The following LRRC4C variants were observed in gnomAD, a reference collection of about 807,000 sequenced individuals.
LRRC4C encodes leucine rich repeat containing 4C.
LRRC4C carries 5 observed loss-of-function variants against 33.6 expected under a neutral mutation model. The ratio of observed to expected loss-of-function variants is 0.15; its 90% CI spans 0.08 to 0.31. The LOEUF is 0.31. Ranked by LOEUF, LRRC4C falls within the 10% of genes least tolerant of loss-of-function variation. The pLI, the probability that LRRC4C is intolerant of heterozygous loss-of-function variation, is 1.00. For missense variants in LRRC4C, 560 were observed against 796.7 expected (o/e 0.70, Z 3.58); for synonymous variants, 329 against 302.0 (o/e 1.09, Z -0.93).
intron 1 of LRRC4C, among the ~76,000 whole-genome samples, chr11:41,023,138 A>G (rs561220369): frequency 2.8e-4 from 43 of 152,054 alleles, no homozygotes; most frequent in African/African-American, 9.4e-4. Flanking sequence ...AGGAAACCCA[A>G]TGTCAAGCCC....
intron 3 of LRRC4C, among the ~76,000 whole-genome samples, chr11:40,363,209 T>C (rs964252591): frequency 6.6e-6 from 1 of 152,194 alleles, no homozygotes; most frequent in Non-Finnish European, 1.5e-5. Flanking sequence ...ATATACACTA[T>C]GGAATACTAT....
intron 3 of LRRC4C, among the ~76,000 whole-genome samples, chr11:40,637,596 G>T (rs1941829628): frequency 6.6e-6 from 1 of 152,050 alleles, no homozygotes; most frequent in Non-Finnish European, 1.5e-5. Context: ...AAATTTCAAA[G>T]CTTCCATTTA....
chr11:40,418,840 G>A (rs1590673701), intron 3 of LRRC4C, among the ~76,000 whole-genome samples: 1 of 152,124 alleles, frequency 6.6e-6, no homozygotes, highest in Non-Finnish European at 1.5e-5. Context: ...AGCCATTATG[G>A]AAGCCATTAT....
intron 1 of LRRC4C, among the ~76,000 whole-genome samples, chr11:41,383,863 T>C (rs1441588657): frequency 1.3e-5 from 2 of 151,208 alleles, no homozygotes; most frequent in African/African-American, 2.4e-5. Context: ...CATAAGAAAA[T>C]AGACATGTAA....
intron 3 of LRRC4C, among the ~76,000 whole-genome samples, chr11:40,466,781 T>C (rs7940702): frequency 0.04 from 6,079 of 152,124 alleles, 167 homozygotes; most frequent in African/African-American, 0.078. Flanking sequence ...ATTTTACTGT[T>C]ACATTCATCA....
intron 1 of LRRC4C, among the ~76,000 whole-genome samples, chr11:41,408,747 TAA>T (rs35914452): frequency 0.58 from 76,831 of 131,904 alleles, 21,508 homozygotes; most frequent in East Asian, 0.7. Flanking sequence ...TATATTTTTG[TAA>T]AAAAAAAAAA....
intron 1 of LRRC4C, among the ~76,000 whole-genome samples, chr11:41,291,494 A>G (rs1344861147): frequency 1.3e-5 from 2 of 152,230 alleles, no homozygotes; most frequent in Admixed American, 1.3e-4. Context: ...TGCAAAATTT[A>G]GTATTCTAAC....
intron 3 of LRRC4C, among the ~76,000 whole-genome samples, chr11:40,380,993 C>A (rs1690015585): frequency 6.6e-6 from 1 of 152,104 alleles, no homozygotes; most frequent in African/African-American, 2.4e-5. Context: ...GCACTTAGCT[C>A]AATATTACAG....
intron 3 of LRRC4C, among the ~76,000 whole-genome samples, chr11:40,564,313 G>A (rs1957669933): frequency 6.6e-6 from 1 of 152,166 alleles, no homozygotes; most frequent in African/African-American, 2.4e-5. Context: ...TGAGCAAAAA[G>A]GCTCATAGAG....
intron 5 of LRRC4C, among the ~76,000 whole-genome samples, chr11:40,158,579 C>CA (rs10652402): frequency 0.097 from 13,749 of 141,106 alleles, 864 homozygotes; most frequent in African/African-American, 0.17. Context: ...ACATACTTAT[C>CA]AAAAAAAAAA....
chr11:40,401,755 GAAAT>G (rs1767242553), intron 3 of LRRC4C, among the ~76,000 whole-genome samples: 1 of 152,108 alleles, frequency 6.6e-6, no homozygotes, highest in African/African-American at 2.4e-5. Context: ...AAAAGGGTGT[GAAAT>G]AATCCTTTAG....
chr11:40,983,613 A>C (rs924558943), intron 1 of LRRC4C, among the ~76,000 whole-genome samples: 5 of 152,220 alleles, frequency 3.3e-5, no homozygotes, highest in Non-Finnish European at 5.9e-5. Context: ...CAAAGGTCTA[A>C]TATCCAGCAT....
intron 2 of LRRC4C, among the ~76,000 whole-genome samples, chr11:40,656,078 A>G (rs1439036964): frequency 6.6e-6 from 1 of 152,296 alleles, no homozygotes; most frequent in East Asian, 1.9e-4. Context: ...TTACAATTCA[A>G]TAAGAGATTT....
At chr11:40,747,045 T>A (rs1591615419) in intron 2 of LRRC4C, among the ~76,000 whole-genome samples, 1 of 152,170 alleles carries the variant, frequency 6.6e-6, no homozygotes, top group African/African-American at 2.4e-5. Context: ...TCGTGAATCA[T>A]CCTGCCTTTA....
rs1958555398 is a variant in LRRC4C at position 40,948,893 on chromosome 11, T to C, written c.-495-15170A>G. ...TTTGGGTATATACCCAGTAATGGGA[T>C]GGCTGGGTCAAATGGTATTTCTAGT... On this transcript the variant is annotated intron_variant, in intron 1 of 6. Transcript: ENST00000528697. Among the ~76,000 whole-genome samples, 3 of 152,082 alleles carry C rather than the reference T, an allele frequency of 2.0e-5. No individual in the cohort carries two copies. The South Asian group carries it at 6.2e-4, about 32-fold the overall frequency.
intron 4 of LRRC4C, among the ~76,000 whole-genome samples, chr11:40,257,150 A>G (rs555324530): frequency 1.3e-5 from 2 of 152,278 alleles, no homozygotes; most frequent in East Asian, 1.9e-4. Context: ...CCCAATTATA[A>G]TCAGTTTCTG....
intron 3 of LRRC4C, among the ~76,000 whole-genome samples, chr11:40,632,848 A>C (rs1565580238): frequency 6.6e-6 from 1 of 152,192 alleles, no homozygotes; most frequent in Admixed American, 6.5e-5. Flanking sequence ...TACTTTAGCA[A>C]TAAAAACCTT....
At chr11:40,419,943 T>TG (rs919031198) in intron 3 of LRRC4C, among the ~76,000 whole-genome samples, 6 of 152,194 alleles carry the variant, frequency 3.9e-5, no homozygotes, top group African/African-American at 1.4e-4. Context: ...ATCTACTCTT[T>TG]GGGGAGGATA....
chr11:40,124,269 T>C (rs2927206), intron 6 of LRRC4C, among the ~76,000 whole-genome samples: 41 of 152,256 alleles, frequency 2.7e-4, no homozygotes, highest in African/African-American at 9.9e-4. Flanking sequence ...ACTAAAAATA[T>C]AACTATAATA....
Sources: allele counts gnomAD v4.1 joint callset (sites outside exome capture counted in the v4.1 genomes callset), GRCh38; gene constraint gnomAD v4.1.1; transcripts MANE v1.5; gene names NCBI Gene and HGNC (gene_info 2026-07-23, HGNC 2026-07-21).